The following KIAA1328 variants were observed in gnomAD, a reference collection of about 807,000 sequenced individuals.
KIAA1328 encodes protein hinderin.
A neutral mutation model predicts 68.1 loss-of-function variants in KIAA1328; 52 were observed. The ratio of observed to expected loss-of-function variants is 0.76; its 90% CI spans 0.61 to 0.96. KIAA1328 has a LOEUF of 0.96. Ranked by LOEUF, KIAA1328 falls within the 40% of genes least tolerant of loss-of-function variation. KIAA1328 has a pLI of 0.00. For missense variants in KIAA1328, 641 were observed against 677.6 expected (o/e 0.95, Z 0.60); for synonymous variants, 232 against 239.4 (o/e 0.97, Z 0.28).
intron 7 of KIAA1328, among the ~76,000 whole-genome samples, chr18:37,132,342 G>T (rs1465180838): frequency 3.3e-5 from 5 of 152,190 alleles, no homozygotes; most frequent in African/African-American, 4.8e-5. Flanking sequence ...GCCCTACAGA[G>T]AGATTTTTGG....
chr18:37,068,962 G>T (rs2056436878), intron 7 of KIAA1328, among the ~76,000 whole-genome samples: 1 of 151,932 alleles, frequency 6.6e-6, no homozygotes, highest in Non-Finnish European at 1.5e-5. Context: ...ATCTTTCATA[G>T]AGCAGAAATT....
chr18:36,843,618 A>G (rs953602590), intron 3 of KIAA1328, among the ~76,000 whole-genome samples: 5 of 152,196 alleles, frequency 3.3e-5, no homozygotes, highest in Non-Finnish European at 7.4e-5. Flanking sequence ...AATCCTGGAT[A>G]TGTACCCTTA....
intron 5 of KIAA1328, chr18:36,903,706 TA>T (rs1435769850): frequency 5.9e-5 from 9 of 152,116 alleles, no homozygotes; most frequent in African/African-American, 2.2e-4. Flanking sequence ...AAAGAATGAG[TA>T]TTAAATGCTT....
chr18:37,205,726 C>A (rs1051531309), intron 9 of KIAA1328, among the ~76,000 whole-genome samples: 1 of 152,050 alleles, frequency 6.6e-6, no homozygotes, highest in African/African-American at 2.4e-5. Flanking sequence ...AATTTTAATT[C>A]GGTTTTCCAT....
chr18:37,030,114 T>A (rs2054762776), intron 6 of KIAA1328, among the ~76,000 whole-genome samples: 1 of 152,160 alleles, frequency 6.6e-6, no homozygotes, highest in African/African-American at 2.4e-5. Flanking sequence ...TTCATTGATT[T>A]TTTTTAACAA....
chr18:37,223,276 C>G lies in KIAA1328; in HGVS notation c.*1049C>G. The G allele has an allele frequency of 1.0e-6, 1 of 985,394 alleles. No individual in the cohort carries two copies. Among genetic ancestry groups the G allele is most frequent in the Non-Finnish European group, 1.2e-6 (1 of 830,022 alleles). The allele number at this position is 985,394 out of a possible 1,614,324, so 61.0% of individuals were successfully genotyped here. On this transcript the variant is annotated 3_prime_UTR_variant, in exon 10 of 10. Transcript: ENST00000280020. ...CTCTACTTGCCAGAGTATGTTCCAC[C>G]ACCCAAGCAGGGTCTCCCTACTTTT...
intron 4 of KIAA1328, among the ~76,000 whole-genome samples, chr18:36,869,640 T>C (rs955900398): frequency 7.0e-5 from 8 of 114,192 alleles, no homozygotes; most frequent in Admixed American, 2.0e-4. Flanking sequence ...TTTTTCTCTT[T>C]CATAGTTTAC....
intron 9 of KIAA1328, among the ~76,000 whole-genome samples, chr18:37,209,440 A>G (rs985263514): frequency 6.6e-6 from 1 of 152,126 alleles, no homozygotes; most frequent in Non-Finnish European, 1.5e-5. Flanking sequence ...CGTTGGGGCA[A>G]TAGGCTATAT....
At chr18:36,944,748 A>G (rs2050838451) in intron 5 of KIAA1328, among the ~76,000 whole-genome samples, 1 of 152,226 alleles carries the variant, frequency 6.6e-6, no homozygotes, top group South Asian at 2.1e-4. Flanking sequence ...CTGCGAAACC[A>G]GGAGAGGAGA....
At chr18:37,096,411 C>A (rs1395856499) in intron 7 of KIAA1328, among the ~76,000 whole-genome samples, 2 of 152,162 alleles carry the variant, frequency 1.3e-5, no homozygotes, top group Non-Finnish European at 2.9e-5. Flanking sequence ...ATGAACTCAT[C>A]ATTTTTTATG....
intron 7 of KIAA1328, among the ~76,000 whole-genome samples, chr18:37,074,214 T>C (rs765054724): frequency 2.0e-5 from 3 of 152,200 alleles, no homozygotes; most frequent in Non-Finnish European, 4.4e-5. Context: ...TTTTCCTCTA[T>C]GACTTTGGAG....
chr18:36,954,281 A>G (rs1416172672), intron 5 of KIAA1328: 1 of 152,192 alleles, frequency 6.6e-6, no homozygotes, highest in African/African-American at 2.4e-5. Context: ...TGTTTCTTAC[A>G]GCATCATTTA....
Position 37,104,722 on chromosome 18 carries a change from T to C in KIAA1328, c.1232+37177T>C, listed in dbSNP as rs370927068. 1.1e-3 allele frequency among the ~76,000 whole-genome samples: 143 copies of C among 134,438 alleles called. 2 individuals carry two copies. The South Asian group carries it at 0.03, about 28-fold the overall frequency. The allele number at this position is 134,438 out of a possible 152,430, so 88.2% of individuals were successfully genotyped here. On this transcript the variant is annotated intron_variant, in intron 7 of 9. Transcript: ENST00000280020. ...AATACCCTGATTCAGTTATTACACATTGTATGCGTGCATCAAAATATATGT... is the reference window on the plus strand; with the variant it reads ...AATACCCTGATTCAGTTATTACACACTGTATGCGTGCATCAAAATATATGT...
In KIAA1328 at chr18:36,888,227, C is replaced by T. The variant is rs1187428784; in HGVS notation, c.448+2555C>T. Reference sequence around the variant, plus strand: ...CCAGTAGTGTGCCAGCTAATTCCAGCCATACTCATTCCTTTATGTATTGTC... The same window carrying T: ...CCAGTAGTGTGCCAGCTAATTCCAGTCATACTCATTCCTTTATGTATTGTC... On this transcript the variant is annotated intron_variant, in intron 5 of 9. Coordinates refer to ENST00000280020, the MANE Select transcript of KIAA1328 (RefSeq NM_020776.3). Among the ~76,000 whole-genome samples the T allele has an allele frequency of 2.0e-5, 3 of 152,142 alleles. No homozygotes were observed. In the East Asian group the frequency reaches 5.8e-4, roughly 29 times the overall value.
chr18:36,907,341 G>A (rs913299438), intron 5 of KIAA1328, among the ~76,000 whole-genome samples: 1 of 152,022 alleles, frequency 6.6e-6, no homozygotes, highest in African/African-American at 2.4e-5. Context: ...AAAAGCTGTG[G>A]TAAAGGGCAT....
At position 37,071,549 on chromosome 18, in the gene KIAA1328, A is replaced by G. The variant is rs1461248243; in HGVS notation, c.1232+4004A>G. On this transcript the variant is annotated intron_variant, in intron 7 of 9. Coordinates refer to ENST00000280020, the MANE Select transcript of KIAA1328 (RefSeq NM_020776.3). ...AATATTTATATAGCATTGACATTAT[A>G]GTAGGTATTACCAGTATTATAAGTA... Among the ~76,000 whole-genome samples the G allele has an allele frequency of 3.3e-5, 5 of 152,348 alleles. No homozygotes were observed. In the East Asian group the frequency reaches 9.6e-4, roughly 29 times the overall value.
At chr18:37,005,935 A>G (rs1353696491) in intron 6 of KIAA1328, among the ~76,000 whole-genome samples, 1 of 152,112 alleles carries the variant, frequency 6.6e-6, no homozygotes, top group Non-Finnish European at 1.5e-5. Flanking sequence ...CAGAAGGATA[A>G]GAGACGGAAT....
At chr18:37,132,516 G>A (rs1033491158) in intron 7 of KIAA1328, among the ~76,000 whole-genome samples, 1 of 152,194 alleles carries the variant, frequency 6.6e-6, no homozygotes, top group Non-Finnish European at 1.5e-5. Flanking sequence ...GAAGAGAAGG[G>A]CCAATTGGAA....
chr18:37,178,039 T>C (rs534234096), intron 9 of KIAA1328, among the ~76,000 whole-genome samples: 1 of 152,180 alleles, frequency 6.6e-6, no homozygotes, highest in African/African-American at 2.4e-5. Context: ...TAATTGTGGT[T>C]TTTTTTCTAT....
Sources: gnomAD v4.1 joint callset for allele counts (sites outside exome capture counted in the v4.1 genomes callset) on GRCh38, gnomAD v4.1.1 for gene constraint, MANE v1.5 for transcripts, NCBI Gene and HGNC (gene_info 2026-07-23, HGNC 2026-07-21) for gene names.